Variants in PLCG2 observed in about 807,000 individuals in gnomAD.
PLCG2 encodes 1-phosphatidylinositol 4,5-bisphosphate phosphodiesterase gamma-2.
In PLCG2, 69 loss-of-function variants were observed where a neutral mutation model predicts 175.6. The observed-to-expected ratio is 0.39, with a 90% CI of 0.32 to 0.48. The LOEUF is 0.48. Ranked by LOEUF, PLCG2 falls within the 20% of genes least tolerant of loss-of-function variation. The pLI, the probability that PLCG2 is intolerant of heterozygous loss-of-function variation, is 0.91. For missense variants in PLCG2, 1,798 were observed against 1,650.9 expected (o/e 1.09, Z -1.54); for synonymous variants, 827 against 624.0 (o/e 1.33, Z -4.85).
At position 81,858,259 on chromosome 16, in the gene PLCG2, C is replaced by T; in HGVS notation, c.338-4C>T. On this transcript the variant is annotated splice_polypyrimidine_tract_variant and splice_region_variant and intron_variant, in intron 3 of 32. Transcript: ENST00000564138. ...AGCATTTCTGTTCCCTTTCTCCACT[C>T]CAGCTGACTCTAAAGAGGATGCAGT... is the stretch of plus-strand genomic sequence containing the variant. The T allele has an allele frequency of 6.2e-7, 1 of 1,605,658 alleles. No homozygotes were observed. The highest frequency in any genetic ancestry group is 8.5e-7 in the Non-Finnish European group (1 of 1,172,258).
intron 2 of PLCG2, among the ~76,000 whole-genome samples, chr16:81,843,708 T>C (rs1287194034): frequency 1.3e-5 from 2 of 152,216 alleles, no homozygotes; most frequent in Admixed American, 6.5e-5. Flanking sequence ...AACTACCTTG[T>C]ACTGTAATGG....
intron 2 of PLCG2, among the ~76,000 whole-genome samples, chr16:81,826,909 C>G (rs939999654): frequency 6.6e-6 from 1 of 152,168 alleles, no homozygotes; most frequent in Admixed American, 6.5e-5. Context: ...CTTGGTTTAT[C>G]CCTGCTGGAG....
chr16:81,837,639 C>T (rs552074427), intron 2 of PLCG2, among the ~76,000 whole-genome samples: 3 of 150,918 alleles, frequency 2.0e-5, no homozygotes, highest in Non-Finnish European at 4.4e-5. Context: ...GTTCCCTTTC[C>T]GTCTTCCTGA....
intron 3 of PLCG2, among the ~76,000 whole-genome samples, chr16:81,856,637 C>A (rs1050617808): frequency 5.9e-5 from 9 of 152,174 alleles, no homozygotes; most frequent in African/African-American, 2.2e-4. Context: ...TAAAAGCTAA[C>A]ACTCTTTAAT....
intron 31 of PLCG2, among the ~76,000 whole-genome samples, chr16:81,951,542 A>G (rs926683302): frequency 7.9e-5 from 12 of 152,350 alleles, no homozygotes; most frequent in South Asian, 4.1e-4. Context: ...CCAAAGTAAG[A>G]AGAACAATGG....
intron 2 of PLCG2, among the ~76,000 whole-genome samples, chr16:81,844,364 G>A (rs1006090706): frequency 5.3e-5 from 8 of 151,664 alleles, no homozygotes; most frequent in East Asian, 3.9e-4. Context: ...TGCCCAGGCC[G>A]GAGTGCAGTG....
intron 21 of PLCG2, among the ~76,000 whole-genome samples, chr16:81,922,272 C>T (rs1910091154): frequency 6.6e-6 from 1 of 152,202 alleles, no homozygotes; most frequent in Non-Finnish European, 1.5e-5. Context: ...TTGATGGATC[C>T]AGTTCTGGGC....
intron 31 of PLCG2, among the ~76,000 whole-genome samples, chr16:81,952,263 TTA>T (rs965993852): frequency 3.3e-5 from 5 of 151,362 alleles, no homozygotes; most frequent in Admixed American, 1.3e-4. Context: ...ACATATATAT[TTA>T]TATATATATA....
intron 1 of PLCG2, among the ~76,000 whole-genome samples, chr16:81,749,837 C>T (rs1909771274): frequency 6.6e-6 from 1 of 152,176 alleles, no homozygotes; most frequent in Admixed American, 6.6e-5. Context: ...TCCAAAGATG[C>T]ATTGCTTATG....
At chr16:81,940,626 T>A (rs1910901495) in intron 30 of PLCG2, among the ~76,000 whole-genome samples, 1 of 151,872 alleles carries the variant, frequency 6.6e-6, no homozygotes, top group Admixed American at 6.5e-5. Flanking sequence ...TCATTTTGTA[T>A]TTTTCTGCAA....
At chr16:81,794,610 A>G (rs1401232333) in intron 2 of PLCG2, among the ~76,000 whole-genome samples, 1 of 152,166 alleles carries the variant, frequency 6.6e-6, no homozygotes, top group African/African-American at 2.4e-5. Context: ...CCATTTCCTT[A>G]TCTATAAAAT....
chr16:81,858,762 C>T (rs912751147), intron 4 of PLCG2, among the ~76,000 whole-genome samples: 2 of 152,212 alleles, frequency 1.3e-5, no homozygotes, highest in Admixed American at 6.5e-5. Flanking sequence ...ACTGTCTCTT[C>T]AGTGTCATGG....
At chr16:81,816,350 A>G (rs927102212) in intron 2 of PLCG2, among the ~76,000 whole-genome samples, 1 of 152,198 alleles carries the variant, frequency 6.6e-6, no homozygotes, top group Admixed American at 6.5e-5. Flanking sequence ...CAGCCTGGGC[A>G]ACAGAGTAAG....
intron 2 of PLCG2, among the ~76,000 whole-genome samples, chr16:81,846,811 A>G (rs570436862): frequency 6.6e-6 from 1 of 152,346 alleles, no homozygotes; most frequent in South Asian, 2.1e-4. Context: ...CACCTCAGAG[A>G]AAGGAAAAAT....
At chr16:81,845,557 G>A (rs1019025665) in intron 2 of PLCG2, among the ~76,000 whole-genome samples, 5 of 152,194 alleles carry the variant, frequency 3.3e-5, no homozygotes, top group Admixed American at 2.0e-4. Flanking sequence ...CATCAGTAGC[G>A]ACACTGCTCC....
intron 18 of PLCG2, among the ~76,000 whole-genome samples, chr16:81,911,803 T>TA (rs1909637035): frequency 7.1e-6 from 1 of 140,734 alleles, no homozygotes. Context: ...TTTTTTTTTT[T>TA]TTTTTTTTTT....
intron 1 of PLCG2, among the ~76,000 whole-genome samples, chr16:81,742,581 G>T (rs1909618968): frequency 6.6e-6 from 1 of 152,198 alleles, no homozygotes; most frequent in Non-Finnish European, 1.5e-5. Context: ...CATCAACAGT[G>T]GTTTCAGGAG....
intron 30 of PLCG2, among the ~76,000 whole-genome samples, chr16:81,945,020 G>A (rs1354308937): frequency 6.6e-6 from 1 of 152,128 alleles, no homozygotes; most frequent in Non-Finnish European, 1.5e-5. Flanking sequence ...TTACAAAATG[G>A]AATGCAAATA....
intron 19 of PLCG2, among the ~76,000 whole-genome samples, chr16:81,917,288 T>G (rs920782083): frequency 1.3e-5 from 2 of 151,962 alleles, no homozygotes; most frequent in African/African-American, 4.8e-5. Context: ...CACATTTTCT[T>G]TATCCATTTA....
Sources: gnomAD v4.1 joint callset for allele counts (sites outside exome capture counted in the v4.1 genomes callset) on GRCh38, gnomAD v4.1.1 for gene constraint, MANE v1.5 for transcripts, NCBI Gene and HGNC (gene_info 2026-07-23, HGNC 2026-07-21) for gene names.